PTPRC: variants seen among roughly 807,000 people sequenced by gnomAD.
The protein encoded by PTPRC is receptor-type tyrosine-protein phosphatase C.
PTPRC carries 44 observed loss-of-function variants against 155.9 expected under a neutral mutation model. The observed-to-expected ratio is 0.28, with a 90% confidence interval of 0.22 to 0.36. The LOEUF (loss-of-function observed/expected upper bound fraction) is 0.36, where lower values mean the gene tolerates loss of function less well. PTPRC is among the 10% of genes least tolerant of loss of function. PTPRC has a pLI of 1.00. For synonymous variants in PTPRC, 525 were observed against 533.1 expected (o/e 0.98, Z 0.21); for missense variants, 1,401 against 1,564.6 (o/e 0.90, Z 1.76).
intron 5 of PTPRC, among the ~76,000 whole-genome samples, chr1:198,701,484 C>T (rs1323687695): frequency 6.6e-6 from 1 of 152,126 alleles, no homozygotes. Context: ...ATTTCTTTTG[C>T]TTTTTCCATG....
At chr1:198,642,849 T>A (rs1413076399) in intron 2 of PTPRC, among the ~76,000 whole-genome samples, 1 of 151,914 alleles carries the variant, frequency 6.6e-6, no homozygotes, top group Non-Finnish European at 1.5e-5. Context: ...GTTCCACTAA[T>A]GATCTGGGGG....
intron 2 of PTPRC, among the ~76,000 whole-genome samples, chr1:198,647,624 T>C (rs1663010041): frequency 6.6e-6 from 1 of 151,852 alleles, no homozygotes; most frequent in African/African-American, 2.4e-5. Flanking sequence ...TTCAATTTTT[T>C]CCCAAGTAAA....
chr1:198,681,947 A>G (rs1665359024), intron 2 of PTPRC, among the ~76,000 whole-genome samples: 1 of 152,220 alleles, frequency 6.6e-6, no homozygotes, highest in Non-Finnish European at 1.5e-5. Flanking sequence ...AGGGCTGATT[A>G]TGCTGGTGCT....
At chr1:198,723,988 C>T (rs912415236) in intron 15 of PTPRC, among the ~76,000 whole-genome samples, 3 of 152,178 alleles carry the variant, frequency 2.0e-5, no homozygotes, top group African/African-American at 7.2e-5. Context: ...GCTGGTACTT[C>T]CCATGAGGAC....
chr1:198,669,230 T>A (rs1664507644), intron 2 of PTPRC, among the ~76,000 whole-genome samples: 1 of 152,194 alleles, frequency 6.6e-6, no homozygotes, highest in South Asian at 2.1e-4. Flanking sequence ...TTTGAGAGTA[T>A]GTTTGGAAAT....
rs562071310 is a variant in PTPRC, at chr1:198,659,789, G to A, written c.73+20448G>A. 2.9e-3 allele frequency among the ~76,000 whole-genome samples: 440 copies of A among 151,718 alleles called. 1 individual carries two copies. The highest frequency in any genetic ancestry group is 4.6e-3 in the Non-Finnish European group (309 of 67,884). On this transcript the variant is annotated intron_variant, in intron 2 of 32. Coordinates refer to ENST00000442510, the MANE Select transcript of PTPRC (RefSeq NM_002838.5). ...CCTCAGGACCTCAGGTGATCTGCCC[G>A]CCTTGGCCTCCCAAAGTATTGGGAT...
chr1:198,738,258 C>A (rs527316279), intron 23 of PTPRC, among the ~76,000 whole-genome samples: 10 of 151,804 alleles, frequency 6.6e-5, no homozygotes, highest in African/African-American at 2.4e-4. Context: ...TCAGTTTTTT[C>A]TCATTTAATA....
At chr1:198,749,688 A>T (rs1655294795) in intron 28 of PTPRC, 139 bp downstream of exon 28, 2 of 780,098 alleles carry the variant, frequency 2.6e-6, no homozygotes, top group Non-Finnish European at 4.2e-6. Flanking sequence ...TGAGAGTTTC[A>T]ATTTCAATGC....
intron 26 of PTPRC, among the ~76,000 whole-genome samples, chr1:198,745,544 G>T (rs1443845143): frequency 6.6e-6 from 1 of 151,760 alleles, no homozygotes; most frequent in African/African-American, 2.4e-5. Flanking sequence ...TTACCTCAAA[G>T]TATAAAAACA....
At chr1:198,702,901 T>G (rs1040842999) in intron 6 of PTPRC, among the ~76,000 whole-genome samples, 1 of 152,240 alleles carries the variant, frequency 6.6e-6, no homozygotes, top group Non-Finnish European at 1.5e-5. Context: ...ACTCCTTTTT[T>G]AATTATGTCA....
intron 14 of PTPRC, among the ~76,000 whole-genome samples, 189 bp downstream of exon 14, chr1:198,718,491 T>C (rs1410928762): frequency 6.6e-6 from 1 of 152,248 alleles, no homozygotes; most frequent in Non-Finnish European, 1.5e-5. Context: ...GTCAGTGGTT[T>C]AAAGCAAATG....
Position 198,748,095 on chromosome 1 carries a change from T to A in PTPRC, c.2848-14T>A. 2.5e-6 allele frequency: 4 copies of A among 1,582,974 alleles called. No homozygotes were observed. The highest frequency in any genetic ancestry group is 3.4e-6 in the Non-Finnish European group (4 of 1,163,936). ...ATTTTAAAGGAGTTTTTCTGTTTTTTTTTTTTTTTTCAGAGACTTCCTTCA... is the reference window on the plus strand; with the variant it reads ...ATTTTAAAGGAGTTTTTCTGTTTTTATTTTTTTTTTCAGAGACTTCCTTCA... On this transcript the variant is annotated splice_polypyrimidine_tract_variant and intron_variant, in intron 26 of 32. Coordinates refer to ENST00000442510, the MANE Select transcript of PTPRC (RefSeq NM_002838.5).
chr1:198,697,686 T>C (rs1464416101), intron 4 of PTPRC, among the ~76,000 whole-genome samples: 1 of 152,244 alleles, frequency 6.6e-6, no homozygotes, highest in East Asian at 1.9e-4. Flanking sequence ...TTGACTTTTT[T>C]GTGGGCAAAC....
At chr1:198,708,050 A>G in intron 9 of PTPRC, 83 bp from the exon 10 acceptor site, 2 of 1,331,742 alleles carry the variant, frequency 1.5e-6, no homozygotes, top group Non-Finnish European at 2.1e-6. Context: ...CAGTGGCTTT[A>G]ACTGACATGT....
chr1:198,700,594 C>T (rs1238962065), intron 5 of PTPRC, among the ~76,000 whole-genome samples: 2 of 152,096 alleles, frequency 1.3e-5, no homozygotes, highest in East Asian at 3.8e-4. Context: ...CCATGGGAAC[C>T]ACAATAAAAA....
intron 3 of PTPRC, among the ~76,000 whole-genome samples, chr1:198,695,869 A>C (rs1469874771): frequency 6.6e-6 from 1 of 152,138 alleles, no homozygotes; most frequent in Non-Finnish European, 1.5e-5. Flanking sequence ...TTTTTAAAAA[A>C]TCCATGAATA....
At chr1:198,686,621 A>G (rs1204310390) in intron 2 of PTPRC, among the ~76,000 whole-genome samples, 1 of 152,202 alleles carries the variant, frequency 6.6e-6, no homozygotes, top group African/African-American at 2.4e-5. Flanking sequence ...TTGCTATGTC[A>G]CATATTTTGC....
intron 7 of PTPRC, 110 bp downstream of exon 7, chr1:198,703,482 T>A: frequency 1.3e-6 from 2 of 1,557,670 alleles, no homozygotes; most frequent in Non-Finnish European, 1.8e-6. Context: ...TAAGTTGCAT[T>A]AAGTGTTTGA....
intron 13 of PTPRC, among the ~76,000 whole-genome samples, chr1:198,717,117 C>T (rs1653631207): frequency 6.6e-6 from 1 of 152,194 alleles, no homozygotes; most frequent in Non-Finnish European, 1.5e-5. Context: ...AAGTACTTAA[C>T]CAACTTAGAT....
Sources: gnomAD v4.1 joint callset for allele counts (sites outside exome capture counted in the v4.1 genomes callset) on GRCh38, gnomAD v4.1.1 for gene constraint, MANE v1.5 for transcripts, NCBI Gene and HGNC (gene_info 2026-07-23, HGNC 2026-07-21) for gene names.